PITPNC1: variants seen among roughly 807,000 people sequenced by gnomAD.
PITPNC1 encodes the protein cytoplasmic phosphatidylinositol transfer protein 1.
PITPNC1 carries 18 observed loss-of-function variants against 44.7 expected under a neutral mutation model. The ratio of observed to expected loss-of-function variants is 0.40; its 90% CI spans 0.28 to 0.60. The LOEUF (loss-of-function observed/expected upper bound fraction) is 0.60. PITPNC1 is among the 20% of genes least tolerant of loss of function. The probability of loss-of-function intolerance (pLI) is 0.39; values close to 1 mark genes in which losing one functional copy is unlikely to be tolerated. For synonymous variants in PITPNC1, 141 were observed against 149.6 expected, an observed-to-expected ratio of 0.94 and a Z score of 0.42; for missense variants, 290 against 418.4, an observed-to-expected ratio of 0.69 and a Z score of 2.68.
chr17:67,412,265 A>G (rs1184357836), intron 1 of PITPNC1, among the ~76,000 whole-genome samples: 1 of 152,150 alleles, frequency 6.6e-6, no homozygotes, highest in African/African-American at 2.4e-5. Flanking sequence ...GCAGGGTTTA[A>G]TGTGTGCTGA....
At chr17:67,476,025 C>A (rs969995107) in intron 1 of PITPNC1, among the ~76,000 whole-genome samples, 2 of 152,120 alleles carry the variant, frequency 1.3e-5, no homozygotes, top group African/African-American at 4.8e-5. Flanking sequence ...TCACTCTAAT[C>A]AAAGAAGCTA....
At chr17:67,469,288 G>A (rs2143995754) in intron 1 of PITPNC1, among the ~76,000 whole-genome samples, 1 of 152,238 alleles carries the variant, frequency 6.6e-6, no homozygotes, top group East Asian at 1.9e-4. Context: ...CCCCACTGCT[G>A]CAGCCTGTGC....
chr17:67,601,884 A>T (rs1223762212), intron 5 of PITPNC1, among the ~76,000 whole-genome samples: 2 of 152,200 alleles, frequency 1.3e-5, no homozygotes, highest in Non-Finnish European at 2.9e-5. Flanking sequence ...GAAGGGGCAG[A>T]GAGTGACGAG....
At chr17:67,457,806 A>G (rs771389493) in intron 1 of PITPNC1, 7 of 152,226 alleles carry the variant, frequency 4.6e-5, no homozygotes, top group Admixed American at 6.5e-5. Context: ...CGGAGAATTC[A>G]TGACTTTTAC....
intron 4 of PITPNC1, among the ~76,000 whole-genome samples, chr17:67,575,868 TTCTTTCTTTCC>T (rs1375441176): frequency 8.2e-4 from 21 of 25,558 alleles, no homozygotes; most frequent in East Asian, 5.8e-3. Flanking sequence ...CCTTCCTTCT[TTCTTTCTTTCC>T]TTTTTTTTTT....
At chr17:67,394,440 A>G (rs1033546311) in intron 1 of PITPNC1, among the ~76,000 whole-genome samples, 3 of 152,238 alleles carry the variant, frequency 2.0e-5, no homozygotes, top group Non-Finnish European at 4.4e-5. Flanking sequence ...GAAACTCTGA[A>G]GACCAACATT....
intron 1 of PITPNC1, among the ~76,000 whole-genome samples, chr17:67,418,916 T>C (rs142617538): frequency 6.6e-6 from 1 of 152,254 alleles, no homozygotes; most frequent in East Asian, 1.9e-4. Flanking sequence ...TGAAAATGAA[T>C]GCGCTTGACC....
chr17:67,574,764 A>G (rs79668080), intron 4 of PITPNC1, among the ~76,000 whole-genome samples: 4,105 of 152,192 alleles, frequency 0.027, 188 homozygotes, highest in African/African-American at 0.094. Flanking sequence ...CAGGACTCTG[A>G]GAACGAGTCA....
chr17:67,525,530 C>G (rs2040381036), intron 1 of PITPNC1: 1 of 152,242 alleles, frequency 6.6e-6, no homozygotes, highest in Non-Finnish European at 1.5e-5. Flanking sequence ...AAAGAGACAG[C>G]TCTCACCTCT....
At position 67,495,040 on chromosome 17, in the gene PITPNC1, G is replaced by GTTTGT. The variant is rs2039926874; in HGVS notation, c.49-37759_49-37758insGTTTT. 2.0e-4 allele frequency among the ~76,000 whole-genome samples: 13 copies of GTTTGT among 64,722 alleles called. No individual in the cohort carries two copies. The East Asian group carries it at 4.2e-3, about 21-fold the overall frequency. The allele number at this position is 64,722 out of a possible 152,430, so 42.5% of individuals were successfully genotyped here. On this transcript the variant is annotated intron_variant, in intron 1 of 8. Coordinates refer to ENST00000581322, the MANE Select transcript of PITPNC1 (RefSeq NM_012417.4). ...TTTGGCAATATTGAGCCATGGAGTT[G>GTTTGT]TTTTTTTTTTTGTTTTTTTTTTTTT... is the stretch of plus-strand genomic sequence containing the variant.
At chr17:67,595,583 A>G (rs982436421) in intron 5 of PITPNC1, among the ~76,000 whole-genome samples, 11 of 152,134 alleles carry the variant, frequency 7.2e-5, no homozygotes, top group Admixed American at 5.9e-4. Flanking sequence ...CATTGCTTCC[A>G]TCTGCTCCCC....
intron 4 of PITPNC1, among the ~76,000 whole-genome samples, chr17:67,563,203 A>G (rs771539261): frequency 2.6e-5 from 4 of 152,180 alleles, no homozygotes; most frequent in Non-Finnish European, 4.4e-5. Flanking sequence ...AGTTAATATG[A>G]CAATATAGAA....
intron 1 of PITPNC1, among the ~76,000 whole-genome samples, chr17:67,474,526 G>A (rs541100941): frequency 6.6e-6 from 1 of 152,074 alleles, no homozygotes; most frequent in Non-Finnish European, 1.5e-5. Context: ...GCCCTCTCCT[G>A]TTTCCCCAGC....
intron 1 of PITPNC1, among the ~76,000 whole-genome samples, chr17:67,507,683 C>CAAAAA (rs59838492): frequency 1.3e-5 from 1 of 79,498 alleles, no homozygotes; most frequent in East Asian, 4.6e-4. Flanking sequence ...GACTTGGTCT[C>CAAAAA]AAAAAAAAAA....
At chr17:67,379,556 T>A (rs2037926278) in intron 1 of PITPNC1, among the ~76,000 whole-genome samples, 1 of 150,946 alleles carries the variant, frequency 6.6e-6, no homozygotes, top group Non-Finnish European at 1.5e-5. Flanking sequence ...TTAAGCAGGG[T>A]CTGGAAGGGT....
rs1246083801 is a variant in PITPNC1 at position 67,425,197 on chromosome 17, GCACACGCACACACACACACA to G, written c.48+47001_48+47020del. Among the ~76,000 whole-genome samples the G allele has an allele frequency of 9.0e-3, 882 of 98,466 alleles. 57 individuals carry two copies. Among genetic ancestry groups the G allele is most frequent in the African/African-American group, 0.021 (595 of 27,904 alleles). 64.6% of individuals were successfully genotyped at this position (98,466 alleles called of 152,430 possible). A position where few individuals can be genotyped will look rare whatever the true frequency, so the allele number is the denominator to read the frequency against. Reference sequence around the variant, plus strand: ...AAACAGCCATGTTGTGCGCGCGCACGCACACGCACACACACACACACACACACACACACACACACACACAC... The same window carrying G: ...AAACAGCCATGTTGTGCGCGCGCACGCACACACACACACACACACACACAC... On this transcript the variant is annotated intron_variant, in intron 1 of 8. Transcript: ENST00000581322.
chr17:67,397,744 T>A (rs2038241033), intron 1 of PITPNC1, among the ~76,000 whole-genome samples: 1 of 152,170 alleles, frequency 6.6e-6, no homozygotes, highest in Admixed American at 6.5e-5. Flanking sequence ...CTTTCTTGGA[T>A]CTTTTTGAAT....
rs1204015643 is a variant in PITPNC1, at chr17:67,697,175, G to GTT, written c.*4291_*4292dup. ...CTGTGTCATTTTGTGGCTGTTCTGT[G>GTT]TTTTTCTTCCTAGTTATTTATTATT... On this transcript the variant is annotated 3_prime_UTR_variant, in exon 9 of 9. Transcript: ENST00000581322. The GTT allele has an allele frequency of 1.3e-5, 2 of 150,858 alleles. No homozygotes were observed. The highest frequency in any genetic ancestry group is 3.0e-5 in the Non-Finnish European group (2 of 67,766). The allele number at this position is 150,858 out of a possible 1,614,324, so 9.3% of individuals were successfully genotyped here. A position where few individuals can be genotyped will look rare whatever the true frequency, so the allele number is the denominator to read the frequency against.
chr17:67,655,606 C>T (rs2144375711), intron 6 of PITPNC1, among the ~76,000 whole-genome samples: 1 of 148,638 alleles, frequency 6.7e-6, no homozygotes, highest in African/African-American at 2.5e-5. Flanking sequence ...CCCAAAGGTC[C>T]CCACCCCCTA....
Sources: allele counts gnomAD v4.1 joint callset (sites outside exome capture counted in the v4.1 genomes callset), GRCh38; gene constraint gnomAD v4.1.1; transcripts MANE v1.5; gene names NCBI Gene and HGNC (gene_info 2026-07-23, HGNC 2026-07-21).